MFSD11: variants seen among roughly 807,000 people sequenced by gnomAD.
MFSD11 encodes major facilitator superfamily domain containing 11.
A neutral mutation model predicts 53.5 loss-of-function variants in MFSD11; 36 were observed. The ratio of observed to expected loss-of-function variants is 0.67; its 90% CI spans 0.52 to 0.89. MFSD11 has a LOEUF of 0.89. Ranked by LOEUF, MFSD11 falls within the 40% of genes least tolerant of loss-of-function variation. The pLI is 0.00. For missense variants in MFSD11, 530 were observed against 543.9 expected, an observed-to-expected ratio of 0.97 and a Z score of 0.25; for synonymous variants, 186 against 184.9, an observed-to-expected ratio of 1.01 and a Z score of -0.05.
chr17:76,778,127 C>A, intron 12 of MFSD11, 61 bp from the exon 13 acceptor site: 1 of 1,578,594 alleles, frequency 6.3e-7, no homozygotes, highest in Non-Finnish European at 8.7e-7. Context: ...GGGCTAGGGG[C>A]TAACTGTGGC....
intron 12 of MFSD11, 73 bp from the exon 13 acceptor site, chr17:76,778,115 T>C (rs2082008497): frequency 1.3e-6 from 2 of 1,512,408 alleles, no homozygotes; most frequent in Non-Finnish European, 1.8e-6. Context: ...AGGATAGGAG[T>C]GGGGCTAGGG....
intron 2 of MFSD11, among the ~76,000 whole-genome samples, chr17:76,740,715 T>C (rs2077989765): frequency 6.6e-6 from 1 of 152,226 alleles, no homozygotes; most frequent in Non-Finnish European, 1.5e-5. Flanking sequence ...GACTTACCAG[T>C]ATGTAAAAAA....
intron 8 of MFSD11, among the ~76,000 whole-genome samples, chr17:76,758,222 T>G (rs1177849700): frequency 6.6e-6 from 1 of 152,148 alleles, no homozygotes; most frequent in South Asian, 2.1e-4. Flanking sequence ...ATAATATAGA[T>G]CCATACTTCA....
chr17:76,746,875 CAT>C (rs953588616), intron 7 of MFSD11, among the ~76,000 whole-genome samples: 6 of 152,032 alleles, frequency 3.9e-5, no homozygotes, highest in African/African-American at 1.4e-4. Flanking sequence ...CTTCTAACAA[CAT>C]GTGTTCTGCA....
intron 7 of MFSD11, among the ~76,000 whole-genome samples, chr17:76,750,816 T>C (rs896015572): frequency 6.6e-6 from 1 of 151,474 alleles, no homozygotes; most frequent in Non-Finnish European, 1.5e-5. Flanking sequence ...TCTTTTTTTT[T>C]TTTTTGATAC....
chr17:76,786,168 G>A (rs1436197693), downstream of MFSD11, among the ~76,000 whole-genome samples: 10 of 141,300 alleles, frequency 7.1e-5, no homozygotes, highest in East Asian at 2.0e-3. Context: ...TTTTTGAGAC[G>A]GAGTGTTGCT....
At position 76,753,977 on chromosome 17, in the gene MFSD11, A is replaced by G. The variant is rs2079322601; in HGVS notation, c.642-70A>G. 9.9e-6 allele frequency: 13 copies of G among 1,318,368 alleles called. No homozygotes were observed. The South Asian group carries it at 1.4e-4, about 14-fold the overall frequency. 81.7% of individuals were successfully genotyped at this position (1,318,368 alleles called of 1,614,324 possible). Reference sequence around the variant, plus strand: ...CAGGGTTTTTACGAACGTAAATGAAAATGTGATCGTATGTTTGTTCTTTTA... The same window carrying G: ...CAGGGTTTTTACGAACGTAAATGAAGATGTGATCGTATGTTTGTTCTTTTA... On this transcript the variant is annotated intron_variant, in intron 7 of 12. Transcript: ENST00000685175.
intron 9 of MFSD11, among the ~76,000 whole-genome samples, chr17:76,768,841 C>T (rs902493968): frequency 1.4e-4 from 22 of 151,838 alleles, no homozygotes; most frequent in African/African-American, 4.6e-4. Flanking sequence ...ATAAATTACC[C>T]GGGTGTGGTG....
upstream of MFSD11, chr17:76,737,193 T>C (rs751131169): frequency 1.3e-5 from 20 of 1,512,562 alleles, no homozygotes; most frequent in Non-Finnish European, 1.7e-5. Flanking sequence ...CCCCGCGAAC[T>C]GGCGCCGGCT....
At chr17:76,751,508 T>C (rs1258934900) in intron 7 of MFSD11, among the ~76,000 whole-genome samples, 1 of 151,790 alleles carries the variant, frequency 6.6e-6, no homozygotes, top group Non-Finnish European at 1.5e-5. Flanking sequence ...CCTGGCAACC[T>C]TGTGGAATAC....
chr17:76,789,707 C>G, the MFSD11 span, among the ~76,000 whole-genome samples: 1 of 149,974 alleles, frequency 6.7e-6, no homozygotes, highest in Non-Finnish European at 1.5e-5. Context: ...TCAGTTCTGC[C>G]TAACTGCCTA....
intron 7 of MFSD11, among the ~76,000 whole-genome samples, chr17:76,753,687 CAAA>C (rs11393515): frequency 3.1e-5 from 4 of 127,166 alleles, no homozygotes; most frequent in Non-Finnish European, 4.9e-5. Flanking sequence ...GACCCTGTCT[CAAA>C]AAAAAAAAAA....
intron 2 of MFSD11, among the ~76,000 whole-genome samples, chr17:76,739,978 A>G (rs1277071179): frequency 6.6e-6 from 1 of 151,890 alleles, no homozygotes; most frequent in Non-Finnish European, 1.5e-5. Flanking sequence ...CATCGTGGCT[A>G]ACACGGTGAA....
In MFSD11 at chr17:76,775,084, CT is replaced by C; in HGVS notation, c.967del (p.Tyr323IlefsTer2). On this transcript the variant is annotated frameshift_variant, in exon 11 of 13. Transcript: ENST00000685175. LOFTEE classifies it high-confidence loss of function. ...VLLGILVHFI[A>X]FYLIFLNMPG... ...TTGGGCATCCTGGTGCACTTCATAG[CT>C]TTTTATCTAATATTTCTCAACATGC... The C allele has an allele frequency of 6.2e-7, 1 of 1,613,992 alleles. No homozygotes were observed. The highest frequency in any genetic ancestry group is 2.2e-5 in the East Asian group (1 of 44,882).
chr17:76,770,883 G>A (rs1396894127), intron 10 of MFSD11, among the ~76,000 whole-genome samples: 1 of 152,234 alleles, frequency 6.6e-6, no homozygotes, highest in African/African-American at 2.4e-5. Flanking sequence ...TGTTTAGGGG[G>A]ATTTATGGAG....
downstream of MFSD11, among the ~76,000 whole-genome samples, chr17:76,783,270 G>A (rs1182306631): frequency 6.6e-6 from 1 of 152,088 alleles, no homozygotes; most frequent in African/African-American, 2.4e-5. Context: ...TGCTGTAGCT[G>A]GGTCTCCCAT....
chr17:76,767,273 G>A (rs2080933790), intron 8 of MFSD11, 113 bp from the exon 9 acceptor site: 1 of 641,008 alleles, frequency 1.6e-6, no homozygotes, highest in African/African-American at 1.8e-5. Flanking sequence ...ATATCCCAAA[G>A]TGTTCGTTTA....
chr17:76,767,246 A>G, intron 8 of MFSD11, 140 bp from the exon 9 acceptor site: 1 of 583,930 alleles, frequency 1.7e-6, no homozygotes. Flanking sequence ...TGCCTTAAGC[A>G]TTTTAATCTG....
intron 7 of MFSD11, among the ~76,000 whole-genome samples, chr17:76,747,680 C>G (rs950819478): frequency 6.6e-6 from 1 of 152,148 alleles, no homozygotes; most frequent in Non-Finnish European, 1.5e-5. Flanking sequence ...GAGAAGGAGT[C>G]TGTGAAAGTG....
Sources: gnomAD v4.1 joint callset for allele counts (sites outside exome capture counted in the v4.1 genomes callset) on GRCh38, gnomAD v4.1.1 for gene constraint, MANE v1.5 for transcripts, NCBI Gene and HGNC (gene_info 2026-07-23, HGNC 2026-07-21) for gene names.